NOX4: variants seen among roughly 807,000 people sequenced by gnomAD.
NOX4 encodes the protein kidney oxidase-1.
Under a neutral mutation model 87.6 loss-of-function variants are expected in NOX4, and 69 were observed. The ratio of observed to expected loss-of-function variants is 0.79; its 90% CI spans 0.65 to 0.96. NOX4 has a LOEUF of 0.96. Among genes scored for constraint, NOX4 ranks in the 40% least tolerant of loss-of-function variants. The pLI is 0.00. For synonymous variants in NOX4, 275 were observed against 238.2 expected (o/e 1.15, Z -1.42); for missense variants, 680 against 681.5 (o/e 1.00, Z 0.02).
At position 89,480,151 on chromosome 11, in the gene NOX4, A is replaced by C. The variant is rs556798850; in HGVS notation, c.153+10307T>G. On this transcript the variant is annotated intron_variant, in intron 2 of 17. Transcript: ENST00000263317. ...GTCAACTGTATATACTTGTTTTGCT[A>C]TTAAGTACAACATGTAACAGACTTT... 3.3e-5 allele frequency among the ~76,000 whole-genome samples: 5 copies of C among 152,296 alleles called. No homozygotes were observed. In the South Asian group the frequency reaches 6.2e-4, roughly 19 times the overall value.
At chr11:89,416,605 T>C (rs550688764) in intron 8 of NOX4, among the ~76,000 whole-genome samples, 6 of 152,280 alleles carry the variant, frequency 3.9e-5, no homozygotes, top group Non-Finnish European at 8.8e-5. Context: ...ACAATATCTG[T>C]CTAACCCTGG....
At chr11:89,467,113 C>T (rs1292093260) in intron 2 of NOX4, among the ~76,000 whole-genome samples, 1 of 151,768 alleles carries the variant, frequency 6.6e-6, no homozygotes, top group African/African-American at 2.4e-5. Flanking sequence ...CTTTGGGAGG[C>T]CAAGGCAGGC....
the NOX4 span, among the ~76,000 whole-genome samples, chr11:89,542,921 G>C: frequency 1.3e-5 from 2 of 152,184 alleles, no homozygotes; most frequent in Non-Finnish European, 1.5e-5. Context: ...AGCTAACTTT[G>C]TGGTAGGGAA....
intron 2 of NOX4, among the ~76,000 whole-genome samples, chr11:89,484,220 AAGG>A (rs1057203448): frequency 2.0e-5 from 3 of 152,118 alleles, no homozygotes; most frequent in African/African-American, 4.8e-5. Flanking sequence ...GATATTGATA[AAGG>A]AGAATTATGC....
intron 7 of NOX4, among the ~76,000 whole-genome samples, chr11:89,428,927 C>T (rs1438156236): frequency 6.6e-6 from 1 of 152,232 alleles, no homozygotes; most frequent in Non-Finnish European, 1.5e-5. Context: ...CTCAGAACCA[C>T]ATCGCACTTA....
chr11:89,328,117 G>A (rs1945293836), intron 17 of NOX4, among the ~76,000 whole-genome samples: 6 of 152,126 alleles, frequency 3.9e-5, no homozygotes, highest in Admixed American at 3.9e-4. Flanking sequence ...GGCCCAAACA[G>A]CTGGAATTTG....
intron 11 of NOX4, among the ~76,000 whole-genome samples, chr11:89,395,572 C>G (rs188142001): frequency 8.5e-5 from 13 of 152,074 alleles, no homozygotes; most frequent in African/African-American, 3.1e-4. Flanking sequence ...TCATGAAGTC[C>G]TTGCCCATGC....
chr11:89,479,910 A>G (rs1411368802), intron 2 of NOX4, among the ~76,000 whole-genome samples: 2 of 152,126 alleles, frequency 1.3e-5, no homozygotes, highest in South Asian at 2.1e-4. Context: ...TTGCTCTTTC[A>G]GTCATCCCTT....
the NOX4 span, among the ~76,000 whole-genome samples, chr11:89,560,996 C>CTCTCTCTCTCTATA: frequency 1.2e-4 from 5 of 40,804 alleles, no homozygotes; most frequent in African/African-American, 5.2e-4. Context: ...CTCTCTCTCT[C>CTCTCTCTCTCTATA]TATATATATA....
chr11:89,327,869 C>T (rs1945284688), intron 17 of NOX4, among the ~76,000 whole-genome samples: 1 of 150,728 alleles, frequency 6.6e-6, no homozygotes, highest in South Asian at 2.1e-4. Context: ...GTAGATCTAC[C>T]CTTTTACATT....
intron 8 of NOX4, among the ~76,000 whole-genome samples, chr11:89,415,985 C>T (rs1218246059): frequency 1.3e-5 from 2 of 152,134 alleles, no homozygotes; most frequent in African/African-American, 4.8e-5. Flanking sequence ...CTCAAATACA[C>T]ACACAGAGCC....
At chr11:89,345,267 G>A (rs1483251340) in intron 13 of NOX4, among the ~76,000 whole-genome samples, 1 of 152,172 alleles carries the variant, frequency 6.6e-6, no homozygotes. Context: ...GATAGAGCAG[G>A]TAAGGAGGAT....
chr11:89,578,042 C>G, the NOX4 span, among the ~76,000 whole-genome samples: 1 of 151,896 alleles, frequency 6.6e-6, no homozygotes, highest in Non-Finnish European at 1.5e-5. Context: ...TCTTAGGGCC[C>G]TAGGAGGTGA....
rs746635851 is a variant in NOX4, at chr11:89,449,538, A to G, written c.265-14T>C. On this transcript the variant is annotated splice_polypyrimidine_tract_variant and intron_variant, in intron 3 of 17. Transcript: ENST00000263317. ...CCTGCTTGGAACCTAAACAAAAATC[A>G]TTTAATATGGTAAAAATAATGCAAC... is the stretch of plus-strand genomic sequence containing the variant. The G allele has an allele frequency of 6.3e-7, 1 of 1,589,174 alleles. No homozygotes were observed. Among genetic ancestry groups the G allele is most frequent in the Non-Finnish European group, 8.6e-7 (1 of 1,159,240 alleles).
chr11:89,484,564 C>A (rs956757105), intron 2 of NOX4, among the ~76,000 whole-genome samples: 1 of 151,888 alleles, frequency 6.6e-6, no homozygotes, highest in African/African-American at 2.4e-5. Flanking sequence ...CTAAGGAGAA[C>A]AATAGACTAA....
chr11:89,398,140 T>C (rs1467819354), intron 11 of NOX4, among the ~76,000 whole-genome samples: 1 of 150,288 alleles, frequency 6.7e-6, no homozygotes, highest in Non-Finnish European at 1.5e-5. Flanking sequence ...GCTTAATCCC[T>C]GGGATGCAAG....
rs112174717 is a variant in NOX4, at chr11:89,395,810, T to C, written c.1074+4207A>G. 4.4e-3 allele frequency among the ~76,000 whole-genome samples: 677 copies of C among 152,226 alleles called. 5 individuals are homozygous for C. Among genetic ancestry groups the C allele is most frequent in the African/African-American group, 0.015 (635 of 41,520 alleles). ...GTCAAGTTTGCCAAAGATCACATGG[T>C]TGTAGATGTGCGGTGTTATTTCTGA... is the stretch of plus-strand genomic sequence containing the variant. On this transcript the variant is annotated intron_variant, in intron 11 of 17. Transcript: ENST00000263317.
chr11:89,557,208 C>A, the NOX4 span: 5 of 152,002 alleles, frequency 3.3e-5, no homozygotes, highest in African/African-American at 1.2e-4. Context: ...AAAAAAAATC[C>A]CAAACTGTGT....
the NOX4 span, chr11:89,556,847 A>T: frequency 6.6e-6 from 1 of 152,150 alleles, no homozygotes; most frequent in African/African-American, 2.4e-5. Flanking sequence ...GATCTGAAAT[A>T]TGAAATCTCT....
Sources: gnomAD v4.1 joint callset for allele counts (sites outside exome capture counted in the v4.1 genomes callset) on GRCh38, gnomAD v4.1.1 for gene constraint, MANE v1.5 for transcripts, NCBI Gene and HGNC (gene_info 2026-07-23, HGNC 2026-07-21) for gene names.